The following PGM5 variants were observed in gnomAD, a reference collection of about 807,000 sequenced individuals.
PGM5 encodes the protein phosphoglucomutase-like protein 5.
PGM5 carries 23 observed loss-of-function variants against 59.2 expected under a neutral mutation model. The observed-to-expected ratio is 0.39, with a 90% CI of 0.28 to 0.55. The LOEUF is 0.55. Among genes scored for constraint, PGM5 ranks in the 20% least tolerant of loss-of-function variants. The pLI is 0.66. For synonymous variants in PGM5, 214 were observed against 286.0 expected (o/e 0.75, Z 2.54); for missense variants, 574 against 748.3 (o/e 0.77, Z 2.72).
rs544924795 is a variant in PGM5, at chr9:68,462,978, T to G, written c.1044-2115T>G. ...GTTTCTTTCATTGTTCCTACCAGAA[T>G]GTAAGCATGATTCTATATCTTTCTT... On this transcript the variant is annotated intron_variant, in intron 6 of 10. Transcript: ENST00000396396. Among the ~76,000 whole-genome samples the G allele has an allele frequency of 1.5e-4, 23 of 152,256 alleles. No homozygotes were observed. In the South Asian group the frequency reaches 3.5e-3, roughly 23 times the overall value.
At chr9:68,496,733 A>G (rs1361141573) in intron 9 of PGM5, 1 of 152,250 alleles carries the variant, frequency 6.6e-6, no homozygotes, top group Non-Finnish European at 1.5e-5. Context: ...AGCAGATAAC[A>G]CATGTTTATA....
intron 7 of PGM5, among the ~76,000 whole-genome samples, chr9:68,472,321 A>G (rs1824032281): frequency 6.6e-6 from 1 of 152,160 alleles, no homozygotes; most frequent in Non-Finnish European, 1.5e-5. Context: ...TTTTCAGTTC[A>G]TGCTGATGAG....
rs1441599670 is a variant in PGM5, at chr9:68,477,450, G to T, written c.1160-1968G>T. On this transcript the variant is annotated intron_variant, in intron 7 of 10. Transcript: ENST00000396396. ...AGTATTGTTTGATCCCATTTTCAGG[G>T]GTTAAACAGCTCTGTGGCGTTGCGT... Among the ~76,000 whole-genome samples, 9 of 152,160 alleles carry T rather than the reference G, an allele frequency of 5.9e-5. No individual in the cohort carries two copies. The South Asian group carries it at 6.2e-4, about 11-fold the overall frequency.
intron 10 of PGM5, among the ~76,000 whole-genome samples, chr9:68,507,935 G>A (rs12348463): frequency 0.017 from 2,583 of 152,244 alleles, 65 homozygotes; most frequent in African/African-American, 0.056. Flanking sequence ...AACTCCCTTG[G>A]TTGGGAATCT....
intron 5 of PGM5, 37 bp downstream of exon 5, chr9:68,391,761 T>A: frequency 6.2e-7 from 1 of 1,601,532 alleles, no homozygotes; most frequent in Non-Finnish European, 8.5e-7. Context: ...GACCCTTTGA[T>A]CATATAATGA....
In PGM5 at chr9:68,484,574, AC is replaced by A. The variant is rs1554687409; in HGVS notation, c.1479+527del. 2.8e-4 allele frequency among the ~76,000 whole-genome samples: 42 copies of A among 148,798 alleles called. 1 individual carries two copies. In the East Asian group the frequency reaches 3.9e-3, roughly 14 times the overall value. The stretch of plus-strand genomic sequence containing the variant: ...CACACACACACACACACACACACAC[AC>A]ACAAAACAAAACAAACAAAAAACAA... On this transcript the variant is annotated intron_variant, in intron 9 of 10. Transcript: ENST00000396396.
intron 7 of PGM5, among the ~76,000 whole-genome samples, chr9:68,479,072 G>A (rs1439990553): frequency 2.0e-5 from 3 of 152,052 alleles, no homozygotes; most frequent in Non-Finnish European, 4.4e-5. Flanking sequence ...GAACTATCTT[G>A]TTCACTGCTT....
chr9:68,505,654 GAGA>G (rs1824641639), intron 10 of PGM5, among the ~76,000 whole-genome samples: 1 of 152,228 alleles, frequency 6.6e-6, no homozygotes, highest in Non-Finnish European at 1.5e-5. Flanking sequence ...GCCAGGTGTG[GAGA>G]AGGAGTGTGG....
At chr9:68,405,224 C>T (rs189167694) in intron 6 of PGM5, 1 of 152,234 alleles carries the variant, frequency 6.6e-6, no homozygotes, top group Non-Finnish European at 1.5e-5. Flanking sequence ...GATAGACTGA[C>T]AGTCTTAAGC....
chr9:68,506,189 C>T (rs553715895), intron 10 of PGM5, among the ~76,000 whole-genome samples: 3 of 152,356 alleles, frequency 2.0e-5, no homozygotes, highest in African/African-American at 7.2e-5. Context: ...TGTAAACAGA[C>T]TGTAACCTAC....
chr9:68,456,618 C>T (rs797038513), intron 6 of PGM5, among the ~76,000 whole-genome samples: 2,541 of 122,348 alleles, frequency 0.021, 32 homozygotes, highest in African/African-American at 0.043. Context: ...GTGCCCTGTC[C>T]TTTTTTTTTT....
chr9:68,477,223 A>G (rs191663399), intron 7 of PGM5, among the ~76,000 whole-genome samples: 5 of 152,354 alleles, frequency 3.3e-5, no homozygotes, highest in Non-Finnish European at 1.5e-5. Context: ...CAACAGTGCC[A>G]TTAGCAGACC....
rs536365370 is a variant in PGM5, at chr9:68,466,231, T to C, written c.1159+1023T>C. On this transcript the variant is annotated intron_variant, in intron 7 of 10. Coordinates refer to ENST00000396396, the MANE Select transcript of PGM5 (RefSeq NM_021965.4). ...TCCTTAGCTGTGTCCAATCTGCTGA[T>C]GAGCCTGTTGAAGGAATTCTTCTTC... The C allele has an allele frequency of 4.0e-5, 49 of 1,238,072 alleles. No individual in the cohort carries two copies. The African/African-American group carries it at 7.2e-4, about 18-fold the overall frequency. The allele number at this position is 1,238,072 out of a possible 1,614,324, so 76.7% of individuals were successfully genotyped here.
At chr9:68,440,766 A>G (rs1333732119) in intron 6 of PGM5, among the ~76,000 whole-genome samples, 4 of 152,100 alleles carry the variant, frequency 2.6e-5, no homozygotes, top group African/African-American at 9.6e-5. Flanking sequence ...TTAATAATGT[A>G]GAGAAAAGAG....
intron 6 of PGM5, among the ~76,000 whole-genome samples, chr9:68,415,726 AT>A (rs1354151546): frequency 1.6e-5 from 2 of 123,800 alleles, no homozygotes; most frequent in African/African-American, 5.9e-5. Flanking sequence ...GTTTTATAGT[AT>A]TTTTATACAT....
At chr9:68,412,426 C>G (rs1822950331) in intron 6 of PGM5, among the ~76,000 whole-genome samples, 1 of 152,234 alleles carries the variant, frequency 6.6e-6, no homozygotes, top group Non-Finnish European at 1.5e-5. Flanking sequence ...TGATAAATAT[C>G]ACATGCTAAT....
chr9:68,529,164 C>CGTGTGTGTGTGTGTGTGT (rs3223716), intron 10 of PGM5, among the ~76,000 whole-genome samples: 29 of 131,950 alleles, frequency 2.2e-4, no homozygotes, highest in East Asian at 4.7e-4. Context: ...CTTTTATTCT[C>CGTGTGTGTGTGTGTGTGT]GTGTGTGTGT....
At chr9:68,495,628 C>T (rs1374815398) in intron 9 of PGM5, among the ~76,000 whole-genome samples, 1 of 152,118 alleles carries the variant, frequency 6.6e-6, no homozygotes, top group African/African-American at 2.4e-5. Flanking sequence ...AACTAAAGTG[C>T]AATTTAATAA....
intron 6 of PGM5, among the ~76,000 whole-genome samples, chr9:68,414,793 G>T (rs1357837131): frequency 6.9e-6 from 1 of 145,926 alleles, no homozygotes; most frequent in Admixed American, 6.9e-5. Context: ...AGAAGAGGAG[G>T]TATTTGAAGA....
Sources: allele counts gnomAD v4.1 joint callset (sites outside exome capture counted in the v4.1 genomes callset), GRCh38; gene constraint gnomAD v4.1.1; transcripts MANE v1.5; gene names NCBI Gene and HGNC (gene_info 2026-07-23, HGNC 2026-07-21).